SDK1: variants seen among roughly 807,000 people sequenced by gnomAD.
SDK1 encodes sidekick cell adhesion molecule 1.
In SDK1, 157 loss-of-function variants were observed where a neutral mutation model predicts 245.5. The ratio of observed to expected loss-of-function variants is 0.64; its 90% CI spans 0.56 to 0.73. SDK1 has a LOEUF of 0.73. Ranked by LOEUF, SDK1 falls within the 30% of genes least tolerant of loss-of-function variation. SDK1 has a pLI of 0.00. For missense variants in SDK1, 3,583 were observed against 3,002.3 expected, an observed-to-expected ratio of 1.19 and a Z score of -4.52; for synonymous variants, 1,647 against 1,278.5, an observed-to-expected ratio of 1.29 and a Z score of -6.15.
intron 4 of SDK1, among the ~76,000 whole-genome samples, chr7:3,745,759 TA>T (rs1779597584): frequency 6.6e-6 from 1 of 152,148 alleles, no homozygotes; most frequent in Admixed American, 6.6e-5. Context: ...TTAGCCAAGA[TA>T]AGTAGTAGTA....
chr7:3,634,130 G>C (rs1179078148), intron 2 of SDK1, among the ~76,000 whole-genome samples: 1 of 152,158 alleles, frequency 6.6e-6, no homozygotes, highest in African/African-American at 2.4e-5. Context: ...TGAGTGGTCT[G>C]GGAATATCCA....
At chr7:3,665,279 C>G (rs772639844) in intron 4 of SDK1, among the ~76,000 whole-genome samples, 1 of 152,182 alleles carries the variant, frequency 6.6e-6, no homozygotes, top group African/African-American at 2.4e-5. Context: ...CCCCCTCTTT[C>G]ACTATATTTT....
chr7:3,961,301 C>T (rs914336331), intron 8 of SDK1, among the ~76,000 whole-genome samples: 1 of 152,070 alleles, frequency 6.6e-6, no homozygotes, highest in Non-Finnish European at 1.5e-5. Context: ...TTAATATTTC[C>T]TGACTTAATG....
chr7:3,481,444 T>C (rs370324918), intron 1 of SDK1, among the ~76,000 whole-genome samples: 57 of 152,354 alleles, frequency 3.7e-4, no homozygotes, highest in African/African-American at 1.2e-3. Context: ...CCTCTAGATA[T>C]GCCCTCTACA....
intron 7 of SDK1, 48 bp downstream of exon 7, chr7:3,951,968 C>A: frequency 6.6e-7 from 1 of 1,505,526 alleles, no homozygotes; most frequent in Non-Finnish European, 9.1e-7. Context: ...CAGATAGCAT[C>A]CGACACTGAC....
intron 22 of SDK1, among the ~76,000 whole-genome samples, chr7:4,090,859 C>G (rs1048310603): frequency 2.0e-5 from 3 of 151,610 alleles, no homozygotes; most frequent in African/African-American, 4.9e-5. Context: ...ACTATCACCT[C>G]CAAATACAAT....
intron 5 of SDK1, among the ~76,000 whole-genome samples, chr7:3,853,215 G>C (rs1022162525): frequency 6.6e-6 from 1 of 152,024 alleles, no homozygotes; most frequent in Non-Finnish European, 1.5e-5. Context: ...ACTTTCCATT[G>C]CAAAGATGGA....
In SDK1 at chr7:3,813,916, A is replaced by T. The variant is rs926429313; in HGVS notation, c.714-7534A>T. Among the ~76,000 whole-genome samples the T allele has an allele frequency of 3.0e-5, 4 of 132,072 alleles. 1 individual carries two copies. The highest frequency in any genetic ancestry group is 1.2e-4 in the African/African-American group (4 of 32,168). 86.6% of individuals were successfully genotyped at this position (132,072 alleles called of 152,430 possible). On this transcript the variant is annotated intron_variant, in intron 4 of 44. Transcript: ENST00000404826. ...TTGGCTGCATAAATGTCTTCTTTTG[A>T]GAAGTGTCTGTTCATGTCCTTCTCC... is the stretch of plus-strand genomic sequence containing the variant.
intron 5 of SDK1, among the ~76,000 whole-genome samples, chr7:3,860,363 CAAG>C (rs779588564): frequency 6.6e-6 from 1 of 152,032 alleles, no homozygotes; most frequent in African/African-American, 2.4e-5. Context: ...AAGGATTTGA[CAAG>C]AAGGTTGATA....
intron 1 of SDK1, among the ~76,000 whole-genome samples, chr7:3,604,043 T>G (rs1256665849): frequency 6.6e-6 from 1 of 152,208 alleles, no homozygotes; most frequent in East Asian, 1.9e-4. Context: ...CACTTGATCA[T>G]GGTGGATAAG....
At chr7:4,095,432 A>T (rs1351376735) in intron 22 of SDK1, among the ~76,000 whole-genome samples, 5 of 152,200 alleles carry the variant, frequency 3.3e-5, no homozygotes, top group African/African-American at 1.2e-4. Flanking sequence ...CAACTCAGGG[A>T]CATATGGTAA....
At chr7:3,706,310 T>C (rs1784888043) in intron 4 of SDK1, among the ~76,000 whole-genome samples, 1 of 152,206 alleles carries the variant, frequency 6.6e-6, no homozygotes, top group Non-Finnish European at 1.5e-5. Flanking sequence ...TCCCTCTTTC[T>C]CAGTCTTTTG....
At chr7:3,813,900 T>A (rs1349400368) in intron 4 of SDK1, among the ~76,000 whole-genome samples, 1 of 131,346 alleles carries the variant, frequency 7.6e-6, no homozygotes, top group Non-Finnish European at 1.6e-5. Flanking sequence ...TTTGGCTGCA[T>A]AAATGTCTTC....
At chr7:3,554,432 C>G (rs1412689279) in intron 1 of SDK1, among the ~76,000 whole-genome samples, 3 of 151,920 alleles carry the variant, frequency 2.0e-5, no homozygotes, top group Non-Finnish European at 2.9e-5. Flanking sequence ...ATTTGGGACG[C>G]AGGTAAAGCA....
chr7:4,221,760 C>T (rs952405065), intron 40 of SDK1, among the ~76,000 whole-genome samples: 1 of 152,168 alleles, frequency 6.6e-6, no homozygotes, highest in Admixed American at 6.5e-5. Context: ...AGGCTTGTTT[C>T]TGATAATACG....
intron 4 of SDK1, among the ~76,000 whole-genome samples, chr7:3,762,701 T>G (rs1401043113): frequency 6.6e-6 from 1 of 152,218 alleles, no homozygotes; most frequent in Non-Finnish European, 1.5e-5. Flanking sequence ...TAACATTCAC[T>G]GTAATAGACT....
intron 1 of SDK1, among the ~76,000 whole-genome samples, chr7:3,303,067 C>T (rs375612376): frequency 6.6e-6 from 1 of 152,124 alleles, no homozygotes; most frequent in Admixed American, 6.5e-5. Context: ...CCCTCCACCC[C>T]CCTCCAGCTT....
At chr7:4,192,089 A>G (rs1241386005) in intron 35 of SDK1, among the ~76,000 whole-genome samples, 1 of 152,178 alleles carries the variant, frequency 6.6e-6, no homozygotes, top group Non-Finnish European at 1.5e-5. Flanking sequence ...TCTCAAGCAT[A>G]CACAGAAGGA....
rs749986515 is a variant in SDK1, at chr7:4,233,291, C to T, written c.5864C>T (p.Pro1955Leu). Residue 1955 changes from proline (P) to leucine (L), a missense_variant, in exon 41 of 45, where the codon CCG (proline) becomes CTG (leucine). By Grantham distance (98) the Pro-to-Leu change is moderately conservative. Transcript: ENST00000404826. ...GLWDMFVKDI[P>L]RSATSYTLSL... ...TGGGACATGTTTGTGAAGGACATCC[C>T]GCGGAGCGCCACATCCTACACCCTC... 2.1e-5 allele frequency: 34 copies of T among 1,613,758 alleles called. No homozygotes were observed. The highest frequency in any genetic ancestry group is 2.3e-5 in the Non-Finnish European group (27 of 1,179,998).
Sources: gnomAD v4.1 joint callset for allele counts (sites outside exome capture counted in the v4.1 genomes callset) on GRCh38, gnomAD v4.1.1 for gene constraint, MANE v1.5 for transcripts, NCBI Gene and HGNC (gene_info 2026-07-23, HGNC 2026-07-21) for gene names.